NT5C1B: variants seen among roughly 807,000 people sequenced by gnomAD.
NT5C1B encodes 5'-nucleotidase, cytosolic IB.
Under a neutral mutation model 57.8 loss-of-function variants are expected in NT5C1B, and 44 were observed. The ratio of observed to expected loss-of-function variants is 0.76; its 90% CI spans 0.60 to 0.98. The LOEUF (loss-of-function observed/expected upper bound fraction) is 0.98, where lower values mean the gene tolerates loss of function less well. NT5C1B is among the 50% of genes least tolerant of loss of function. The pLI, the probability that NT5C1B is intolerant of heterozygous loss-of-function variation, is 0.00. For missense variants in NT5C1B, 742 were observed against 719.5 expected (o/e 1.03, Z -0.36); for synonymous variants, 284 against 282.6 (o/e 1.00, Z -0.05).
At chr2:18,574,160 G>C (rs897294638) in intron 8 of NT5C1B, among the ~76,000 whole-genome samples, 1 of 152,024 alleles carries the variant, frequency 6.6e-6, no homozygotes, top group African/African-American at 2.4e-5. Flanking sequence ...AATGGGCAAA[G>C]GACTTGAATA....
At chr2:18,563,326 C>T (rs754270141) in exon 9 of NT5C1B, 1 of 152,402 alleles carries the variant, frequency 6.6e-6, no homozygotes, top group African/African-American at 2.4e-5. Context: ...GCTTTGGTTA[C>T]AAAGCTAGCC....
At chr2:18,587,693 A>T (rs1183859631) in intron 1 of NT5C1B, 101 bp from the exon 2 acceptor site, 2 of 1,349,262 alleles carry the variant, frequency 1.5e-6, no homozygotes. Flanking sequence ...AAATTTATTT[A>T]TTTGCCAATA....
At position 18,584,940 on chromosome 2, in the gene NT5C1B, G is replaced by A. The variant is rs61741495; in HGVS notation, c.297C>T (p.Thr99=). The change falls in exon 4 of 9, where the codon ACC becomes ACT. Residue 99 remains threonine (T), a synonymous_variant. Coordinates refer to ENST00000304081, the Ensembl canonical transcript of NT5C1B. This position sits in a 1 kb window ranked among gnomAD's most constrained non-coding sequence, Gnocchi z 5.8. Reference sequence around the variant, plus strand: ...GTGAGGAGTCATGCAGGCTTGGGGAGGTGGATGGAGTCCGGGAGCTCGTGG... The same window carrying A: ...GTGAGGAGTCATGCAGGCTTGGGGAAGTGGATGGAGTCCGGGAGCTCGTGG... 2.5e-3 allele frequency: 3,861 copies of A among 1,539,636 alleles called. 86 individuals carry two copies. In the African/African-American group the frequency reaches 0.045, roughly 18 times the overall value.
chr2:18,582,995 T>C, exon 6 of NT5C1B: 1 of 1,613,082 alleles, frequency 6.2e-7, no homozygotes, highest in Non-Finnish European at 8.5e-7. Flanking sequence ...CATACTGTAG[T>C]GCCTGCAGGT....
At chr2:18,565,999 A>T (rs1425729103) in intron 8 of NT5C1B, among the ~76,000 whole-genome samples, 2 of 152,188 alleles carry the variant, frequency 1.3e-5, no homozygotes, top group African/African-American at 4.8e-5. Context: ...TAACTTTCAC[A>T]TTTTATCATG....
At chr2:18,564,808 T>C (rs1188744107) in intron 8 of NT5C1B, among the ~76,000 whole-genome samples, 1 of 152,192 alleles carries the variant, frequency 6.6e-6, no homozygotes, top group Admixed American at 6.5e-5. Flanking sequence ...AAAGGATTGT[T>C]CAATAATCTG....
chr2:18,583,571 G>C (rs1666376825), intron 5 of NT5C1B: 1 of 322,036 alleles, frequency 3.1e-6, no homozygotes, highest in African/African-American at 2.2e-5. Flanking sequence ...TGGTTATGAT[G>C]TTATTGTGTA....
chr2:18,563,775 C>A (rs1429135041), exon 9 of NT5C1B: 4 of 1,506,322 alleles, frequency 2.7e-6, no homozygotes, highest in Non-Finnish European at 3.6e-6. Context: ...ACTATCACCA[C>A]TTTATTTCTC....
exon 8 of NT5C1B, chr2:18,576,281 A>G (rs1393581251): frequency 6.2e-7 from 1 of 1,613,864 alleles, no homozygotes; most frequent in Non-Finnish European, 8.5e-7. Context: ...AGAGAAGAGG[A>G]CAGCATCCCC....
intron 6 of NT5C1B, among the ~76,000 whole-genome samples, chr2:18,581,659 A>C (rs540179233): frequency 6.6e-6 from 1 of 152,218 alleles, no homozygotes; most frequent in African/African-American, 2.4e-5. Context: ...CAAATCCCTA[A>C]ATCATATGAA....
chr2:18,572,703 G>A (rs1343847730), intron 8 of NT5C1B, among the ~76,000 whole-genome samples: 2 of 152,082 alleles, frequency 1.3e-5, no homozygotes, highest in Non-Finnish European at 1.5e-5. Flanking sequence ...AGTAACATTT[G>A]TCATTAAAGA....
chr2:18,570,289 A>C (rs932264191), intron 8 of NT5C1B, among the ~76,000 whole-genome samples: 12 of 152,058 alleles, frequency 7.9e-5, no homozygotes, highest in Non-Finnish European at 1.6e-4. Context: ...TCCACATTTG[A>C]AAACTTAGGA....
chr2:18,579,795 T>G (rs192992978), intron 6 of NT5C1B, among the ~76,000 whole-genome samples: 67 of 152,230 alleles, frequency 4.4e-4, no homozygotes, highest in Admixed American at 2.6e-3. Context: ...TGGGAGCTAA[T>G]TAAACTAAAG....
intron 8 of NT5C1B, among the ~76,000 whole-genome samples, chr2:18,568,964 C>T (rs753859549): frequency 3.3e-5 from 5 of 152,190 alleles, no homozygotes; most frequent in Non-Finnish European, 5.9e-5. Flanking sequence ...GCCATGCATG[C>T]GTATCCTCAA....
chr2:18,569,021 T>C (rs1664908748), intron 8 of NT5C1B, among the ~76,000 whole-genome samples: 3 of 152,194 alleles, frequency 2.0e-5, no homozygotes, highest in African/African-American at 7.2e-5. Context: ...TGTTTCAGAT[T>C]TTTGAGGTTC....
intron 1 of NT5C1B, 32 bp downstream of exon 1, chr2:18,589,407 T>C (rs1036950347): frequency 5.6e-6 from 9 of 1,613,960 alleles, no homozygotes; most frequent in Non-Finnish European, 6.8e-6. Flanking sequence ...TTCAGCCCCA[T>C]GGCAAGATTC....
chr2:18,568,703 T>C lies in NT5C1B; in HGVS notation c.1330-4584A>G, dbSNP rs149710729. ...CAGCTTAGAGACAACCTGCCTCCCA[T>C]TCTATTCAAAGTCACCCCTATGCTC... On this transcript the variant is annotated intron_variant, in intron 8 of 8. Coordinates refer to ENST00000304081, the Ensembl canonical transcript of NT5C1B. Among the ~76,000 whole-genome samples the C allele has an allele frequency of 3.5e-3, 527 of 152,274 alleles. 3 individuals are homozygous for C. Among genetic ancestry groups the C allele is most frequent in the African/African-American group, 0.012 (488 of 41,556 alleles).
At position 18,581,901 on chromosome 2, in the gene NT5C1B, G is replaced by T. The variant is rs185632275; in HGVS notation, c.1021+967C>A. ...TCCATGAACAAGGCTGCATGAGAAG[G>T]TTGTACACAATCAGTTCATCAGCAG... On this transcript the variant is annotated intron_variant, in intron 6 of 8. Transcript: ENST00000304081. Among the ~76,000 whole-genome samples, 266 of 152,286 alleles carry T rather than the reference G, an allele frequency of 1.7e-3. 2 individuals are homozygous for T. The highest frequency in any genetic ancestry group is 6.3e-3 in the African/African-American group (262 of 41,546).
intron 8 of NT5C1B, among the ~76,000 whole-genome samples, chr2:18,570,588 T>C (rs976499343): frequency 6.6e-6 from 1 of 152,014 alleles, no homozygotes; most frequent in Non-Finnish European, 1.5e-5. Flanking sequence ...TCAAAATAAT[T>C]GAATCAGTAG....
Sources: allele counts gnomAD v4.1 joint callset (sites outside exome capture counted in the v4.1 genomes callset), GRCh38; gene constraint gnomAD v4.1.1; non-coding constraint Gnocchi (gnomAD v3.1); transcripts MANE v1.5; gene names NCBI Gene and HGNC (gene_info 2026-07-23, HGNC 2026-07-21).